Variants in KHDRBS2 observed in about 807,000 individuals in gnomAD.
KHDRBS2 encodes the protein KH RNA binding domain containing, signal transduction associated 2, also known as KH domain-containing, RNA-binding, signal transduction-associated protein 2.
A neutral mutation model predicts 44.3 loss-of-function variants in KHDRBS2; 26 were observed. That is an observed-to-expected ratio of 0.59 (90% CI 0.43 to 0.81). The LOEUF (loss-of-function observed/expected upper bound fraction) is 0.81, where lower values mean the gene tolerates loss of function less well. Among genes scored for constraint, KHDRBS2 ranks in the 40% least tolerant of loss-of-function variants. KHDRBS2 has a pLI of 0.00. For synonymous variants in KHDRBS2, 194 were observed against 151.1 expected (o/e 1.28, Z -2.08); for missense variants, 476 against 433.1 (o/e 1.10, Z -0.88).
intron 1 of KHDRBS2, among the ~76,000 whole-genome samples, chr6:62,265,051 T>C (rs1838965339): frequency 6.6e-6 from 1 of 151,948 alleles, no homozygotes; most frequent in Non-Finnish European, 1.5e-5. Flanking sequence ...ACAGGAAATT[T>C]GCATTTTTGT....
intron 3 of KHDRBS2, among the ~76,000 whole-genome samples, chr6:62,037,655 A>T (rs1785575801): frequency 6.6e-6 from 1 of 151,998 alleles, no homozygotes; most frequent in Admixed American, 6.6e-5. Flanking sequence ...AATGTTCCAA[A>T]TTCTTTAAAT....
intron 3 of KHDRBS2, among the ~76,000 whole-genome samples, chr6:62,025,932 C>A (rs1279784896): frequency 6.6e-6 from 1 of 151,926 alleles, no homozygotes; most frequent in Non-Finnish European, 1.5e-5. Context: ...AAAAGTATTT[C>A]TCATAAGTGA....
chr6:61,947,952 T>TAATAATAATAAC (rs1554286051), intron 4 of KHDRBS2, among the ~76,000 whole-genome samples: 1 of 133,528 alleles, frequency 7.5e-6, no homozygotes. Context: ...ATAATAATAA[T>TAATAATAATAAC]AACAGAGGAA....
At chr6:62,003,487 C>A (rs1778648460) in intron 3 of KHDRBS2, among the ~76,000 whole-genome samples, 1 of 151,908 alleles carries the variant, frequency 6.6e-6, no homozygotes, top group Admixed American at 6.6e-5. Flanking sequence ...TATGTATGCT[C>A]CCAATATAGG....
intron 6 of KHDRBS2, among the ~76,000 whole-genome samples, chr6:61,893,767 G>T (rs1052727042): frequency 6.6e-6 from 1 of 152,118 alleles, no homozygotes; most frequent in Non-Finnish European, 1.5e-5. Context: ...GGGGAGCGGG[G>T]AGGGATAGCA....
intron 6 of KHDRBS2, among the ~76,000 whole-genome samples, chr6:61,849,823 G>T (rs6925549): frequency 0.31 from 46,822 of 151,906 alleles, 7,345 homozygotes; most frequent in African/African-American, 0.36. Flanking sequence ...CCTTGTGGTA[G>T]AAACAGAAAA....
chr6:62,147,328 A>C (rs1814163600), intron 2 of KHDRBS2, among the ~76,000 whole-genome samples: 1 of 152,030 alleles, frequency 6.6e-6, no homozygotes, highest in South Asian at 2.1e-4. Context: ...GAGCTTCCTT[A>C]AATCTGCCAA....
At chr6:61,876,054 C>A (rs1410386235) in intron 6 of KHDRBS2, among the ~76,000 whole-genome samples, 2 of 151,876 alleles carry the variant, frequency 1.3e-5, no homozygotes, top group African/African-American at 2.4e-5. Context: ...TATCCTGGAG[C>A]AGAAATAGTT....
intron 6 of KHDRBS2, among the ~76,000 whole-genome samples, chr6:61,805,124 G>C (rs756500628): frequency 3.3e-5 from 5 of 152,046 alleles, no homozygotes; most frequent in Non-Finnish European, 7.4e-5. Flanking sequence ...GCTTTTAACA[G>C]CACCCAGGTC....
intron 1 of KHDRBS2, among the ~76,000 whole-genome samples, chr6:62,180,471 G>T (rs1463464143): frequency 6.6e-6 from 1 of 151,574 alleles, no homozygotes; most frequent in African/African-American, 2.4e-5. Context: ...AAAACACTTG[G>T]GAGTAAACTT....
intron 2 of KHDRBS2, among the ~76,000 whole-genome samples, chr6:62,121,858 C>T (rs903745530): frequency 2.6e-5 from 4 of 152,064 alleles, no homozygotes; most frequent in South Asian, 2.1e-4. Flanking sequence ...AATTCAGGGG[C>T]CTTCTAGCTC....
chr6:61,675,133 T>G (rs1488616066), downstream of KHDRBS2, among the ~76,000 whole-genome samples: 1 of 151,782 alleles, frequency 6.6e-6, no homozygotes, highest in Non-Finnish European at 1.5e-5. Flanking sequence ...CACTTGGTCT[T>G]ATTTCTTCTA....
At chr6:62,226,690 T>C (rs1831893465) in intron 1 of KHDRBS2, among the ~76,000 whole-genome samples, 1 of 152,210 alleles carries the variant, frequency 6.6e-6, no homozygotes, top group South Asian at 2.1e-4. Flanking sequence ...CATCTTCAGT[T>C]AATTTTTAGA....
chr6:61,889,616 T>C (rs1261679428), intron 6 of KHDRBS2, among the ~76,000 whole-genome samples: 1 of 152,060 alleles, frequency 6.6e-6, no homozygotes, highest in African/African-American at 2.4e-5. Context: ...GGGGGGGCAA[T>C]GCAACCAGTT....
chr6:62,181,007 ACTCTT>A (rs1176659942), intron 1 of KHDRBS2, among the ~76,000 whole-genome samples: 1 of 137,784 alleles, frequency 7.3e-6, no homozygotes, highest in Non-Finnish European at 1.6e-5. Context: ...ATAAAATTGG[ACTCTT>A]CTCTTACACT....
At chr6:62,115,943 ATACAT>A (rs1035308141) in intron 2 of KHDRBS2, among the ~76,000 whole-genome samples, 1 of 152,132 alleles carries the variant, frequency 6.6e-6, no homozygotes, top group Non-Finnish European at 1.5e-5. Context: ...TAAATACAAA[ATACAT>A]TAACAACATT....
intron 8 of KHDRBS2, among the ~76,000 whole-genome samples, chr6:61,688,995 G>A (rs1015598048): frequency 2.0e-5 from 3 of 151,890 alleles, no homozygotes; most frequent in Non-Finnish European, 4.4e-5. Context: ...TTTGGGCTTT[G>A]GCCTATGTGA....
chr6:61,677,424 T>G (rs1766007566), downstream of KHDRBS2, among the ~76,000 whole-genome samples: 1 of 151,960 alleles, frequency 6.6e-6, no homozygotes, highest in Admixed American at 6.6e-5. Context: ...AACTCTGTAA[T>G]TTTTGATGTG....
chr6:61,942,133 G>T (rs1019577328), intron 4 of KHDRBS2, among the ~76,000 whole-genome samples: 7 of 150,964 alleles, frequency 4.6e-5, no homozygotes, highest in African/African-American at 1.7e-4. Context: ...TTAAAAAAAA[G>T]AAAAATGTAG....
Sources: allele counts gnomAD v4.1 joint callset (sites outside exome capture counted in the v4.1 genomes callset), GRCh38; gene constraint gnomAD v4.1.1; transcripts MANE v1.5; gene names NCBI Gene and HGNC (gene_info 2026-07-23, HGNC 2026-07-21).